ASXL2: variants seen among roughly 807,000 people sequenced by gnomAD.
The protein encoded by ASXL2 is ASXL transcriptional regulator 2.
A neutral mutation model predicts 122.0 loss-of-function variants in ASXL2; 23 were observed. The observed-to-expected ratio is 0.19, with a 90% CI of 0.14 to 0.27. ASXL2 has a LOEUF of 0.27. Among genes scored for constraint, ASXL2 ranks in the 10% least tolerant of loss-of-function variants. ASXL2 has a pLI of 1.00. For synonymous variants in ASXL2, 650 were observed against 637.0 expected (o/e 1.02, Z -0.31); for missense variants, 1,518 against 1,713.8 (o/e 0.89, Z 2.02).
Position 25,759,624 on chromosome 2 carries a change from C to A in ASXL2, c.797G>T (p.Cys266Phe). Residue 266 changes from cysteine to phenylalanine, a missense_variant, in exon 9 of 13, where the codon TGT becomes TTT. This residue lies in a region of ASXL2 where 198 missense variants were observed against 209.0 expected (regional missense o/e 0.95). Transcript: ENST00000435504. ...LHTRQMKRTK[C>F]ADIDVETPDS... is the part of the protein sequence containing the mutation. ...CGGTGTCTCAACGTCAATGTCAGCA[C>A]ATTTAGTTCTTTTCATTTGTCCTAC... 6.2e-7 allele frequency: 1 copy of A among 1,612,046 alleles called. No individual in the cohort carries two copies.
intron 8 of ASXL2, 121 bp downstream of exon 8, chr2:25,767,461 TA>T: frequency 1.9e-6 from 2 of 1,051,230 alleles, no homozygotes; most frequent in Non-Finnish European, 2.7e-6. Context: ...AACTTATGTC[TA>T]ATCTTTGCTA....
At chr2:25,821,202 AAAT>A (rs779232218) in intron 3 of ASXL2, among the ~76,000 whole-genome samples, 4 of 152,016 alleles carry the variant, frequency 2.6e-5, no homozygotes, top group Non-Finnish European at 5.9e-5. Flanking sequence ...TCAAAAAAAT[AAAT>A]AAATAGCCAG....
At chr2:25,856,612 C>T (rs746767356) in intron 1 of ASXL2, 1 of 1,233,334 alleles carries the variant, frequency 8.1e-7, no homozygotes, top group South Asian at 1.2e-5. Context: ...CAGAGCCCCA[C>T]CACAAGGTCA....
At chr2:25,768,469 A>G (rs536759707) in intron 7 of ASXL2, among the ~76,000 whole-genome samples, 1 of 152,064 alleles carries the variant, frequency 6.6e-6, no homozygotes, top group African/African-American at 2.4e-5. Flanking sequence ...ACACCCGGCT[A>G]ATTTTCTGTG....
chr2:25,839,717 G>A lies in ASXL2; in HGVS notation c.141-4177C>T, dbSNP rs1046851517. 8.0e-5 allele frequency among the ~76,000 whole-genome samples: 12 copies of A among 150,014 alleles called. 1 individual carries two copies. Among genetic ancestry groups the A allele is most frequent in the Admixed American group, 6.7e-4 (10 of 14,982 alleles). On this transcript the variant is annotated intron_variant, in intron 2 of 12. Coordinates refer to ENST00000435504, the MANE Select transcript of ASXL2 (RefSeq NM_018263.6). The stretch of plus-strand genomic sequence containing the variant: ...GGCTCATTGCAGCCTTGACCTCCTG[G>A]GCTCAAGTGATCCTCCTGCCTCAGC...
At chr2:25,869,644 C>G (rs1394195217) in intron 1 of ASXL2, among the ~76,000 whole-genome samples, 1 of 151,830 alleles carries the variant, frequency 6.6e-6, no homozygotes, top group Non-Finnish European at 1.5e-5. Context: ...CAATATTCAC[C>G]CATCTCTACT....
At chr2:25,845,334 TA>T in intron 2 of ASXL2, 146 bp downstream of exon 2, 4 of 1,339,714 alleles carry the variant, frequency 3.0e-6, no homozygotes, top group Non-Finnish European at 3.1e-6. Flanking sequence ...TGTAATGACT[TA>T]AAAAATGCCA....
At position 25,742,878 on chromosome 2, in the gene ASXL2, G is replaced by A; in HGVS notation, c.3459C>T (p.Ser1153=). 6.2e-7 allele frequency: 1 copy of A among 1,613,964 alleles called. No homozygotes were observed. Among genetic ancestry groups the A allele is most frequent in the Non-Finnish European group, 8.5e-7 (1 of 1,179,898 alleles). Residue 1153 remains serine, a synonymous_variant, in exon 13 of 13, where the codon AGC becomes AGT. Transcript: ENST00000435504. ...SVNPEDRFCL[S]SPTEALKMGY... is the part of the protein sequence containing the mutation. ...CCATTTTCAAGGCTTCAGTGGGGCTGCTTAGACAAAAACGATCTTCAGGGT... is the reference window on the plus strand; with the variant it reads ...CCATTTTCAAGGCTTCAGTGGGGCTACTTAGACAAAAACGATCTTCAGGGT...
rs866527073 is a variant in ASXL2 at position 25,743,413 on chromosome 2, A to G, written c.2924T>C (p.Val975Ala). 3 of 1,613,732 alleles carry G rather than the reference A, an allele frequency of 1.9e-6. No homozygotes were observed. Among genetic ancestry groups the G allele is most frequent in the African/African-American group, 2.7e-5 (2 of 74,886 alleles). ...AGTCAGTGGAACCGTTTTCATTTCA[A>G]CTTTGGTGAGAGGTTTAGGCAGAAT... ...EQILPKPLTKVEMKTVPLTAK... is the reference protein window; with the variant it reads ...EQILPKPLTKAEMKTVPLTAK... Residue 975 changes from valine to alanine, a missense_variant, in exon 13 of 13, where the codon GTT becomes GCT. Val to Ala is a moderately conservative substitution (Grantham distance 64, BLOSUM62 0). Coordinates refer to ENST00000435504, the MANE Select transcript of ASXL2 (RefSeq NM_018263.6).
intron 1 of ASXL2, among the ~76,000 whole-genome samples, chr2:25,874,043 T>C (rs934014252): frequency 6.6e-6 from 1 of 152,212 alleles, no homozygotes; most frequent in Non-Finnish European, 1.5e-5. Flanking sequence ...ATTTTGAACA[T>C]AGTTCTAAAG....
chr2:25,751,985 T>C (rs2088055101), intron 11 of ASXL2, among the ~76,000 whole-genome samples: 1 of 152,130 alleles, frequency 6.6e-6, no homozygotes, highest in African/African-American at 2.4e-5. Context: ...TTGCCCAAGT[T>C]GGTCTCGAAT....
At chr2:25,745,669 A>T (rs2149138422) in intron 12 of ASXL2, among the ~76,000 whole-genome samples, 1 of 107,404 alleles carries the variant, frequency 9.3e-6, no homozygotes, top group East Asian at 2.5e-4. Context: ...TTTTTGAGAC[A>T]GTCTCACTCT....
intron 3 of ASXL2, among the ~76,000 whole-genome samples, chr2:25,823,965 C>CTACA (rs2089345251): frequency 1.3e-5 from 2 of 151,990 alleles, no homozygotes; most frequent in African/African-American, 4.8e-5. Context: ...AAGAGGCTTG[C>CTACA]TGTAATGTCA....
chr2:25,761,501 C>T (rs1427260369), intron 8 of ASXL2, among the ~76,000 whole-genome samples: 1 of 151,814 alleles, frequency 6.6e-6, no homozygotes, highest in Non-Finnish European at 1.5e-5. Context: ...GGTGAAACAT[C>T]GTCTCTACTA....
At chr2:25,752,482 T>C (rs2149142235) in intron 11 of ASXL2, among the ~76,000 whole-genome samples, 1 of 152,300 alleles carries the variant, frequency 6.6e-6, no homozygotes, top group Non-Finnish European at 1.5e-5. Context: ...CATTACAAAA[T>C]TCCTAAGATT....
chr2:25,807,986 T>TACACAAAC (rs2089107897), intron 3 of ASXL2, among the ~76,000 whole-genome samples: 1 of 131,728 alleles, frequency 7.6e-6, no homozygotes, highest in Non-Finnish European at 1.6e-5. Context: ...AATCAGCTTT[T>TACACAAAC]ACACACACAC....
At chr2:25,828,680 C>A (rs905386215) in intron 3 of ASXL2, among the ~76,000 whole-genome samples, 4 of 151,354 alleles carry the variant, frequency 2.6e-5, no homozygotes, top group African/African-American at 9.7e-5. Context: ...AAAAAATTAG[C>A]CGGGAGTGGT....
intron 11 of ASXL2, among the ~76,000 whole-genome samples, chr2:25,751,488 G>T (rs2088044446): frequency 6.6e-6 from 1 of 152,034 alleles, no homozygotes. Context: ...ACAATAATTA[G>T]CTGGGTGTGG....
At chr2:25,755,964 G>C in intron 10 of ASXL2, 54 bp downstream of exon 10, 1 of 1,361,786 alleles carries the variant, frequency 7.3e-7, no homozygotes, top group Non-Finnish European at 1.1e-6. Context: ...ATGAGGAAGA[G>C]AGGTGCTCTG....
Sources: allele counts gnomAD v4.1 joint callset (sites outside exome capture counted in the v4.1 genomes callset), GRCh38; gene constraint gnomAD v4.1.1; regional missense constraint gnomAD v4.1.1; transcripts MANE v1.5; gene names NCBI Gene and HGNC (gene_info 2026-07-23, HGNC 2026-07-21).